CACNB2: variants seen among roughly 807,000 people sequenced by gnomAD.
The protein encoded by CACNB2 is calcium voltage-gated channel auxiliary subunit beta 2, also known as voltage-dependent L-type calcium channel subunit beta-2.
CACNB2 carries 42 observed loss-of-function variants against 73.3 expected under a neutral mutation model. That is an observed-to-expected ratio of 0.57 (90% CI 0.45 to 0.74). The LOEUF (loss-of-function observed/expected upper bound fraction) is 0.74. Ranked by LOEUF, CACNB2 falls within the 30% of genes least tolerant of loss-of-function variation. The pLI is 0.00. For synonymous variants in CACNB2, 348 were observed against 310.3 expected (o/e 1.12, Z -1.28); for missense variants, 940 against 853.0 (o/e 1.10, Z -1.27).
Position 18,524,654 on chromosome 10 carries a change from TAA to T in CACNB2, c.945-2914_945-2913del, listed in dbSNP as rs35663592. ...TGGGTGACAGAGCAAGACTCTATCT[TAA>T]AAAAAAAAAAAAAAAAAAATTGAGC... is the stretch of plus-strand genomic sequence containing the variant. On this transcript the variant is annotated intron_variant, in intron 9 of 13. Coordinates refer to ENST00000324631, the MANE Select transcript of CACNB2 (RefSeq NM_201596.3). Among the ~76,000 whole-genome samples, 1,095 of 116,878 alleles carry T rather than the reference TAA, an allele frequency of 9.4e-3. 8 individuals are homozygous for T. The highest frequency in any genetic ancestry group is 0.022 in the African/African-American group (657 of 30,066). 76.7% of individuals were successfully genotyped at this position (116,878 alleles called of 152,430 possible). A position where few individuals can be genotyped will look rare whatever the true frequency, so the allele number is the denominator to read the frequency against.
chr10:18,197,547 AT>A (rs1391501788), intron 2 of CACNB2, among the ~76,000 whole-genome samples: 1 of 152,136 alleles, frequency 6.6e-6, no homozygotes, highest in Non-Finnish European at 1.5e-5. Flanking sequence ...AGGATTTCAG[AT>A]CCTCATATTA....
At chr10:18,164,545 G>A (rs1358512575) in intron 2 of CACNB2, among the ~76,000 whole-genome samples, 1 of 151,880 alleles carries the variant, frequency 6.6e-6, no homozygotes, top group Non-Finnish European at 1.5e-5. Flanking sequence ...TAGAAAAGAG[G>A]CCAAAACAAT....
intron 2 of CACNB2, among the ~76,000 whole-genome samples, chr10:18,344,872 C>T (rs2041383193): frequency 6.6e-6 from 1 of 152,192 alleles, no homozygotes; most frequent in Admixed American, 6.5e-5. Context: ...TATTTTTATG[C>T]TGGCATATTG....
intron 2 of CACNB2, among the ~76,000 whole-genome samples, chr10:18,325,725 T>G (rs1041685305): frequency 7.7e-6 from 1 of 130,488 alleles, no homozygotes; most frequent in African/African-American, 2.8e-5. Context: ...CTTCTCTCTC[T>G]TTCCCTTTCC....
At chr10:18,260,958 A>C in intron 2 of CACNB2, 2 of 1,297,930 alleles carry the variant, frequency 1.5e-6, no homozygotes, top group Non-Finnish European at 2.0e-6. Flanking sequence ...ACTCTGTGTT[A>C]GCAATACTTA....
At chr10:18,184,034 A>G (rs2034025165) in intron 2 of CACNB2, among the ~76,000 whole-genome samples, 1 of 152,188 alleles carries the variant, frequency 6.6e-6, no homozygotes, top group South Asian at 2.1e-4. Flanking sequence ...AAAATGCTAA[A>G]ACAGTGCCCA....
chr10:18,154,733 G>A (rs1256939563), intron 2 of CACNB2, among the ~76,000 whole-genome samples: 1 of 152,160 alleles, frequency 6.6e-6, no homozygotes, highest in Non-Finnish European at 1.5e-5. Context: ...CTCCCAAAGT[G>A]CTGGGATTAC....
intron 6 of CACNB2, among the ~76,000 whole-genome samples, chr10:18,508,864 C>T (rs1329197829): frequency 6.6e-6 from 1 of 152,136 alleles, no homozygotes; most frequent in African/African-American, 2.4e-5. Flanking sequence ...ATGTCAAGGA[C>T]CGTCTGTATA....
In CACNB2 at chr10:18,498,346, C is replaced by G. The variant is rs959516838; in HGVS notation, c.334-9C>G. 4 of 1,613,922 alleles carry G rather than the reference C, an allele frequency of 2.5e-6. No homozygotes were observed. Among genetic ancestry groups the G allele is most frequent in the Non-Finnish European group, 2.5e-6 (3 of 1,179,968 alleles). ...CTTATTTTTTTCCCTCTTCCTTTTC[C>G]CACTTTAGACAAAGCCCGTTGCATT... On this transcript the variant is annotated splice_polypyrimidine_tract_variant and intron_variant, in intron 3 of 13. Coordinates refer to ENST00000324631, the MANE Select transcript of CACNB2 (RefSeq NM_201596.3).
intron 3 of CACNB2, among the ~76,000 whole-genome samples, chr10:18,403,928 G>A (rs2044145294): frequency 6.6e-6 from 1 of 151,210 alleles, no homozygotes; most frequent in Non-Finnish European, 1.5e-5. Flanking sequence ...ACAATAGGGT[G>A]ACTAAAGTCA....
intron 2 of CACNB2, among the ~76,000 whole-genome samples, chr10:18,177,244 A>C (rs772704276): frequency 9.9e-5 from 15 of 152,152 alleles, no homozygotes; most frequent in Non-Finnish European, 2.9e-5. Context: ...TTGAAGATGC[A>C]CCTGAGAAAA....
chr10:18,173,815 T>C (rs1301496431), intron 2 of CACNB2, among the ~76,000 whole-genome samples: 1 of 152,244 alleles, frequency 6.6e-6, no homozygotes, highest in Non-Finnish European at 1.5e-5. Flanking sequence ...GTTATATTTT[T>C]GCAGGTTTTT....
intron 2 of CACNB2, among the ~76,000 whole-genome samples, chr10:18,214,158 A>AT (rs1327624554): frequency 1.8e-4 from 4 of 22,756 alleles, no homozygotes; most frequent in Non-Finnish European, 3.5e-4. Flanking sequence ...GTTCTTCTGA[A>AT]AGGGACCCAA....
chr10:18,452,664 C>T (rs1363972146), intron 3 of CACNB2, among the ~76,000 whole-genome samples: 1 of 152,192 alleles, frequency 6.6e-6, no homozygotes, highest in Non-Finnish European at 1.5e-5. Context: ...CCCACCTTGG[C>T]CTCCTGAGGA....
chr10:18,270,625 C>A (rs971435692), intron 2 of CACNB2, among the ~76,000 whole-genome samples: 48 of 152,106 alleles, frequency 3.2e-4, no homozygotes, highest in African/African-American at 1.1e-3. Flanking sequence ...CCTCTGGAGT[C>A]CCCCAGTGGC....
chr10:18,228,182 G>C (rs1232639171), intron 2 of CACNB2, among the ~76,000 whole-genome samples: 1 of 152,200 alleles, frequency 6.6e-6, no homozygotes, highest in East Asian at 1.9e-4. Flanking sequence ...CTAGCACTTA[G>C]GGAGGCCAAG....
chr10:18,440,878 C>A (rs992904994), intron 3 of CACNB2, among the ~76,000 whole-genome samples: 5 of 152,104 alleles, frequency 3.3e-5, no homozygotes, highest in Non-Finnish European at 7.4e-5. Flanking sequence ...GAGATGCAGG[C>A]CATGGGGAAG....
At chr10:18,294,963 AG>A (rs1397938461) in intron 2 of CACNB2, among the ~76,000 whole-genome samples, 5 of 152,246 alleles carry the variant, frequency 3.3e-5, no homozygotes, top group Non-Finnish European at 7.3e-5. Flanking sequence ...GACAGGAGAG[AG>A]GGGGCAGAGC....
chr10:18,361,741 T>C (rs1002176077), intron 2 of CACNB2, among the ~76,000 whole-genome samples: 15 of 151,312 alleles, frequency 9.9e-5, no homozygotes, highest in African/African-American at 3.2e-4. Context: ...GCCTCCTGAA[T>C]AGCGGGGATT....
Sources: gnomAD v4.1 joint callset for allele counts (sites outside exome capture counted in the v4.1 genomes callset) on GRCh38, gnomAD v4.1.1 for gene constraint, MANE v1.5 for transcripts, NCBI Gene and HGNC (gene_info 2026-07-23, HGNC 2026-07-21) for gene names.